The following GLIS1 variants were observed in gnomAD, a reference collection of about 807,000 sequenced individuals.
GLIS1 encodes zinc finger protein GLIS1.
In GLIS1, 24 loss-of-function variants were observed where a neutral mutation model predicts 63.8. The observed-to-expected ratio is 0.38, with a 90% CI of 0.27 to 0.53. The LOEUF is 0.53. GLIS1 is among the 20% of genes least tolerant of loss of function. The pLI is 0.85. For synonymous variants in GLIS1, 450 were observed against 482.5 expected (o/e 0.93, Z 0.88); for missense variants, 1,036 against 1,074.1 (o/e 0.96, Z 0.50).
chr1:53,535,181 C>T (rs1363693222), intron 4 of GLIS1, among the ~76,000 whole-genome samples: 1 of 152,032 alleles, frequency 6.6e-6, no homozygotes, highest in East Asian at 1.9e-4. Flanking sequence ...GTGGTTCCTT[C>T]TGCAGCAGGC....
chr1:53,553,102 G>A (rs560050138), intron 4 of GLIS1, among the ~76,000 whole-genome samples: 1 of 152,338 alleles, frequency 6.6e-6, no homozygotes, highest in East Asian at 1.9e-4. Context: ...CCACCTGGCT[G>A]GCTGAGAATG....
At chr1:53,597,272 C>G (rs1357359295) in intron 3 of GLIS1, among the ~76,000 whole-genome samples, 2 of 146,088 alleles carry the variant, frequency 1.4e-5, no homozygotes, top group African/African-American at 5.1e-5. Context: ...ACTCGGGAGC[C>G]TGAGGCAGGA....
chr1:53,673,108 T>C (rs1186760667), intron 2 of GLIS1, among the ~76,000 whole-genome samples: 1 of 152,208 alleles, frequency 6.6e-6, no homozygotes, highest in Non-Finnish European at 1.5e-5. Context: ...GTGGAAGCCT[T>C]GTTCCAATCT....
intron 4 of GLIS1, among the ~76,000 whole-genome samples, chr1:53,551,139 G>A (rs1390058979): frequency 3.3e-5 from 5 of 152,118 alleles, no homozygotes; most frequent in Non-Finnish European, 5.9e-5. Context: ...GAGCCACTGC[G>A]CCCGGCCAGT....
chr1:53,700,927 T>C lies in GLIS1; in HGVS notation c.259+36879A>G, dbSNP rs529767348. On this transcript the variant is annotated intron_variant, in intron 2 of 10. Transcript: ENST00000628545. ...CACAGCATAACGTTTCTAAGGCTCATCCGTGTTGTAAGATGTCAGTACTTC... is the reference window on the plus strand; with the variant it reads ...CACAGCATAACGTTTCTAAGGCTCACCCGTGTTGTAAGATGTCAGTACTTC... Among the ~76,000 whole-genome samples, 5 of 152,386 alleles carry C rather than the reference T, an allele frequency of 3.3e-5. No individual in the cohort carries two copies. The South Asian group carries it at 1.0e-3, about 32-fold the overall frequency.
At chr1:53,652,764 T>C (rs1214956204) in intron 2 of GLIS1, among the ~76,000 whole-genome samples, 3 of 152,084 alleles carry the variant, frequency 2.0e-5, no homozygotes, top group African/African-American at 7.2e-5. Flanking sequence ...CAAGGTGACA[T>C]AGAGGACCTG....
chr1:53,612,000 A>G (rs1261231893), intron 2 of GLIS1, among the ~76,000 whole-genome samples: 1 of 151,866 alleles, frequency 6.6e-6, no homozygotes, highest in African/African-American at 2.4e-5. Context: ...TGGCCAGCTA[A>G]TTTTTTAATT....
chr1:53,519,429 TA>T (rs1242844037), intron 7 of GLIS1, among the ~76,000 whole-genome samples: 1 of 152,174 alleles, frequency 6.6e-6, no homozygotes, highest in Non-Finnish European at 1.5e-5. Context: ...GGGGAAAGAA[TA>T]AAAAATTAGA....
intron 2 of GLIS1, among the ~76,000 whole-genome samples, chr1:53,682,204 T>C (rs1333251270): frequency 6.6e-6 from 1 of 152,228 alleles, no homozygotes; most frequent in Non-Finnish European, 1.5e-5. Flanking sequence ...ACCACCGGAC[T>C]CCGACTCCAA....
intron 2 of GLIS1, among the ~76,000 whole-genome samples, chr1:53,631,183 T>C (rs1645648667): frequency 1.3e-5 from 2 of 152,252 alleles, no homozygotes; most frequent in South Asian, 4.1e-4. Flanking sequence ...TTGTGATTTA[T>C]GTAAAGCTAG....
intron 3 of GLIS1, among the ~76,000 whole-genome samples, chr1:53,597,535 T>C (rs1557472392): frequency 6.6e-6 from 1 of 151,856 alleles, no homozygotes; most frequent in Non-Finnish European, 1.5e-5. Flanking sequence ...TTATTAGTAT[T>C]AGAGAGTTAG....
intron 4 of GLIS1, among the ~76,000 whole-genome samples, chr1:53,586,903 G>T (rs1261612821): frequency 2.6e-5 from 4 of 152,188 alleles, no homozygotes; most frequent in Non-Finnish European, 4.4e-5. Context: ...CCTCCACAAT[G>T]AAGGCCAGGC....
At chr1:53,552,326 T>C (rs1205583306) in intron 4 of GLIS1, among the ~76,000 whole-genome samples, 1 of 149,358 alleles carries the variant, frequency 6.7e-6, no homozygotes, top group Admixed American at 6.6e-5. Flanking sequence ...CCCCCGCTGC[T>C]CCTGTGCCTG....
Position 53,509,969 on chromosome 1 carries a change from G to T in GLIS1, c.1942C>A (p.Pro648Thr). 7.7e-7 allele frequency: 1 copy of T among 1,295,124 alleles called. No homozygotes were observed. Among genetic ancestry groups the T allele is most frequent in the Non-Finnish European group, 9.9e-7 (1 of 1,013,348 alleles). 80.2% of individuals were successfully genotyped at this position (1,295,124 alleles called of 1,614,324 possible). The change falls in exon 9 of 11, where the codon CCG becomes ACG. Residue 648 changes from proline to threonine, a missense_variant. This residue lies in a region of GLIS1 where 400 missense variants were observed against 400.9 expected (regional missense o/e 1.00). Coordinates refer to ENST00000628545, the MANE Select transcript of GLIS1 (RefSeq NM_001367484.1). ...VSPLKGLGPPPLPPSSQSHSP... is the reference protein window; with the variant it reads ...VSPLKGLGPPTLPPSSQSHSP... ...TGGCTCTGAGAGGATGGGGGCAGCG[G>T]CGGTGGCCCCAGCCCCTTCAGGGGG...
chr1:53,512,184 C>T (rs1644304268), intron 8 of GLIS1, among the ~76,000 whole-genome samples: 2 of 152,210 alleles, frequency 1.3e-5, no homozygotes, highest in African/African-American at 4.8e-5. Context: ...AGACATGACG[C>T]CTGAGGCTAT....
intron 4 of GLIS1, among the ~76,000 whole-genome samples, chr1:53,548,756 T>C (rs1429949368): frequency 2.0e-5 from 3 of 152,240 alleles, no homozygotes; most frequent in African/African-American, 7.2e-5. Context: ...ATAAAGTCAG[T>C]TATTTTTTTA....
intron 2 of GLIS1, among the ~76,000 whole-genome samples, chr1:53,719,762 G>A (rs1289705670): frequency 6.6e-6 from 1 of 152,100 alleles, no homozygotes; most frequent in African/African-American, 2.4e-5. Flanking sequence ...TGGGAATGTA[G>A]GACAGACATT....
chr1:53,721,453 C>G (rs74432405), intron 2 of GLIS1, among the ~76,000 whole-genome samples: 1,881 of 152,138 alleles, frequency 0.012, 31 homozygotes, highest in African/African-American at 0.043. Context: ...TTAGCTTCCA[C>G]TGTTTTTATT....
chr1:53,620,227 T>C (rs866540750), intron 2 of GLIS1, among the ~76,000 whole-genome samples: 3 of 152,244 alleles, frequency 2.0e-5, no homozygotes, highest in Non-Finnish European at 4.4e-5. Flanking sequence ...TTTACACAGA[T>C]GACCTCATTA....
Sources: gnomAD v4.1 joint callset for allele counts (sites outside exome capture counted in the v4.1 genomes callset) on GRCh38, gnomAD v4.1.1 for gene constraint, gnomAD v4.1.1 regional missense constraint, MANE v1.5 for transcripts, NCBI Gene and HGNC (gene_info 2026-07-23, HGNC 2026-07-21) for gene names.